GMDS: variants seen among roughly 807,000 people sequenced by gnomAD.
GMDS encodes GDP-mannose 4,6 dehydratase.
Under a neutral mutation model 49.9 loss-of-function variants are expected in GMDS, and 20 were observed. The ratio of observed to expected loss-of-function variants is 0.40; its 90% confidence interval spans 0.28 to 0.58. The LOEUF is 0.58. Among genes scored for constraint, GMDS ranks in the 20% least tolerant of loss-of-function variants. The pLI is 0.42. For missense variants in GMDS, 362 were observed against 481.4 expected (o/e 0.75, Z 2.32); for synonymous variants, 177 against 178.6 (o/e 0.99, Z 0.07).
In GMDS at chr6:2,069,955, A is replaced by G. The variant is rs775932849; in HGVS notation, c.345+45816T>C. On this transcript the variant is annotated intron_variant, in intron 4 of 10. Coordinates refer to ENST00000380815, the MANE Select transcript of GMDS (RefSeq NM_001500.4). ...AGAATTATAAATCATGCTGCTATAA[A>G]GACACATGCACACGTATGTTTATTG... Among the ~76,000 whole-genome samples, 730 of 152,134 alleles carry G rather than the reference A, an allele frequency of 4.8e-3. 1 individual carries two copies. Among genetic ancestry groups the G allele is most frequent in the Middle Eastern group, 0.01 (3 of 294 alleles).
At chr6:1,953,610 A>G (rs1462124445) in intron 6 of GMDS, among the ~76,000 whole-genome samples, 2 of 152,188 alleles carry the variant, frequency 1.3e-5, no homozygotes, top group African/African-American at 2.4e-5. Flanking sequence ...ATTAGCCCCA[A>G]CTGGTTACAT....
intron 1 of GMDS, among the ~76,000 whole-genome samples, chr6:2,162,166 C>T (rs769381298): frequency 6.6e-6 from 1 of 152,142 alleles, no homozygotes; most frequent in Non-Finnish European, 1.5e-5. Context: ...CATTCCAATG[C>T]CTATTTTAAA....
At chr6:2,190,431 C>T (rs1345240894) in intron 1 of GMDS, among the ~76,000 whole-genome samples, 4 of 152,194 alleles carry the variant, frequency 2.6e-5, no homozygotes, top group Admixed American at 2.6e-4. Context: ...TCATGATCCT[C>T]ACTTCTACAG....
At chr6:1,715,146 T>C (rs1019384369) in intron 9 of GMDS, among the ~76,000 whole-genome samples, 1 of 152,156 alleles carries the variant, frequency 6.6e-6, no homozygotes. Flanking sequence ...TGAAAAGACA[T>C]GTATAGAGGT....
intron 7 of GMDS, among the ~76,000 whole-genome samples, chr6:1,746,613 C>T (rs1223249209): frequency 2.0e-5 from 3 of 152,114 alleles, no homozygotes; most frequent in Non-Finnish European, 2.9e-5. Context: ...AATTTGGACA[C>T]GTACTCTTCT....
chr6:1,895,452 A>G (rs985531392), intron 7 of GMDS, among the ~76,000 whole-genome samples: 4 of 152,358 alleles, frequency 2.6e-5, no homozygotes, highest in Middle Eastern at 3.4e-3. Flanking sequence ...ACCAGTGACC[A>G]CATATGACCA....
At chr6:1,796,398 C>T (rs555100427) in intron 7 of GMDS, among the ~76,000 whole-genome samples, 8 of 152,304 alleles carry the variant, frequency 5.3e-5, no homozygotes, top group African/African-American at 1.9e-4. Flanking sequence ...TTTTCAGACC[C>T]TTGTGGCACT....
intron 4 of GMDS, among the ~76,000 whole-genome samples, chr6:2,020,089 T>C (rs1561980980): frequency 6.6e-6 from 1 of 152,234 alleles, no homozygotes; most frequent in Non-Finnish European, 1.5e-5. Context: ...ACCATATGTT[T>C]AACCTAAAGT....
At chr6:2,060,924 G>T (rs1771112323) in intron 4 of GMDS, among the ~76,000 whole-genome samples, 1 of 152,064 alleles carries the variant, frequency 6.6e-6, no homozygotes, top group Admixed American at 6.6e-5. Flanking sequence ...GGAGGCTGAG[G>T]CAGGAGAATC....
In GMDS at chr6:1,686,664, C is replaced by A. The variant is rs183344021; in HGVS notation, c.987+39752G>T. Among the ~76,000 whole-genome samples, 204 of 152,298 alleles carry A rather than the reference C, an allele frequency of 1.3e-3. 9 individuals carry two copies. The South Asian group carries it at 0.041, about 31-fold the overall frequency. On this transcript the variant is annotated intron_variant, in intron 9 of 10. Transcript: ENST00000380815. The stretch of plus-strand genomic sequence containing the variant: ...AGCCATAATGGAATGTACTTATATG[C>A]AAACCATCTTTCCCTCTGAGTAAAG...
intron 4 of GMDS, among the ~76,000 whole-genome samples, chr6:2,013,967 A>G (rs1425746613): frequency 8.5e-6 from 1 of 118,238 alleles, no homozygotes; most frequent in East Asian, 2.2e-4. Flanking sequence ...TATGCATATC[A>G]TAACTGCAAA....
At chr6:1,752,052 G>A (rs1767756953) in intron 7 of GMDS, among the ~76,000 whole-genome samples, 2 of 152,198 alleles carry the variant, frequency 1.3e-5, no homozygotes, top group African/African-American at 2.4e-5. Context: ...ATTGACAGAA[G>A]TAGGCTTCAG....
At chr6:1,771,978 G>T (rs1038931069) in intron 7 of GMDS, among the ~76,000 whole-genome samples, 1 of 131,300 alleles carries the variant, frequency 7.6e-6, no homozygotes, top group Non-Finnish European at 1.6e-5. Flanking sequence ...GGCAAAGAAG[G>T]TTTTTGTGTA....
intron 9 of GMDS, among the ~76,000 whole-genome samples, chr6:1,714,111 G>A (rs974614208): frequency 3.3e-5 from 5 of 152,162 alleles, no homozygotes; most frequent in Non-Finnish European, 7.3e-5. Flanking sequence ...TCCGCCTCCT[G>A]GATTCACGCC....
chr6:1,970,628 C>T (rs893229900), intron 4 of GMDS, among the ~76,000 whole-genome samples: 1 of 152,052 alleles, frequency 6.6e-6, no homozygotes, highest in Non-Finnish European at 1.5e-5. Flanking sequence ...GTCGAGTAGA[C>T]AGAGGTTTGA....
chr6:2,093,991 A>G (rs1156335103), intron 4 of GMDS, among the ~76,000 whole-genome samples: 3 of 152,352 alleles, frequency 2.0e-5, no homozygotes, highest in East Asian at 1.9e-4. Flanking sequence ...TGAAGCCTCA[A>G]TGAAGTTCTT....
chr6:2,019,613 C>A (rs1433096182), intron 4 of GMDS, among the ~76,000 whole-genome samples: 1 of 152,010 alleles, frequency 6.6e-6, no homozygotes, highest in Non-Finnish European at 1.5e-5. Context: ...TCATGCCCGG[C>A]TAATTTTTGT....
intron 7 of GMDS, among the ~76,000 whole-genome samples, chr6:1,875,776 A>C (rs966052625): frequency 7.9e-5 from 12 of 152,176 alleles, no homozygotes; most frequent in African/African-American, 2.9e-4. Flanking sequence ...CCGTAATCCC[A>C]GCACTTTGGG....
chr6:2,179,046 C>T (rs58515427), intron 1 of GMDS, among the ~76,000 whole-genome samples: 231 of 152,240 alleles, frequency 1.5e-3, no homozygotes, highest in African/African-American at 5.2e-3. Flanking sequence ...TGCTGCCTGT[C>T]CTCAAGAATA....
Sources: allele counts gnomAD v4.1 joint callset (sites outside exome capture counted in the v4.1 genomes callset), GRCh38; gene constraint gnomAD v4.1.1; transcripts MANE v1.5; gene names NCBI Gene and HGNC (gene_info 2026-07-23, HGNC 2026-07-21).